DPY19L3: variants seen among roughly 807,000 people sequenced by gnomAD.
The protein encoded by DPY19L3 is protein C-mannosyl-transferase DPY19L3.
DPY19L3 carries 51 observed loss-of-function variants against 92.3 expected under a neutral mutation model. The ratio of observed to expected loss-of-function variants is 0.55; its 90% CI spans 0.44 to 0.70. The LOEUF is 0.70. Ranked by LOEUF, DPY19L3 falls within the 30% of genes least tolerant of loss-of-function variation. The pLI, the probability that DPY19L3 is intolerant of heterozygous loss-of-function variation, is 0.00. For synonymous variants in DPY19L3, 309 were observed against 315.2 expected, an observed-to-expected ratio of 0.98 and a Z score of 0.21; for missense variants, 706 against 855.9, an observed-to-expected ratio of 0.82 and a Z score of 2.18.
At chr19:32,476,033 TAGAA>T (rs1970498799) in intron 16 of DPY19L3, among the ~76,000 whole-genome samples, 1 of 152,192 alleles carries the variant, frequency 6.6e-6, no homozygotes, top group Non-Finnish European at 1.5e-5. Context: ...GTGTCATTGT[TAGAA>T]AGAAAATCTT....
chr19:32,462,871 G>C (rs1007064565), intron 12 of DPY19L3, among the ~76,000 whole-genome samples: 15 of 152,132 alleles, frequency 9.9e-5, no homozygotes, highest in Non-Finnish European at 1.9e-4. Context: ...TTTTAATGTA[G>C]CCGTATTTGG....
At chr19:32,436,826 C>T (rs1173512690) in intron 5 of DPY19L3, among the ~76,000 whole-genome samples, 1 of 152,100 alleles carries the variant, frequency 6.6e-6, no homozygotes, top group Non-Finnish European at 1.5e-5. Context: ...TTTTCATTTG[C>T]TCTCTGTAAT....
intron 3 of DPY19L3, among the ~76,000 whole-genome samples, chr19:32,418,761 T>C (rs1197267935): frequency 2.0e-5 from 3 of 152,232 alleles, no homozygotes; most frequent in Non-Finnish European, 4.4e-5. Flanking sequence ...GAAAATACTT[T>C]GATTTTATTT....
intron 14 of DPY19L3, among the ~76,000 whole-genome samples, 175 bp downstream of exon 14, chr19:32,464,155 T>TA (rs1231249299): frequency 6.6e-6 from 1 of 152,058 alleles, no homozygotes; most frequent in African/African-American, 2.4e-5. Context: ...AATTTTATTT[T>TA]AAAAAATTAC....
At chr19:32,466,494 G>A (rs1970205588) in intron 15 of DPY19L3, among the ~76,000 whole-genome samples, 1 of 152,204 alleles carries the variant, frequency 6.6e-6, no homozygotes, top group South Asian at 2.1e-4. Flanking sequence ...AGGCTGCTCT[G>A]CGGCAGCTTC....
At chr19:32,407,634 C>G (rs1323191182) in intron 1 of DPY19L3, among the ~76,000 whole-genome samples, 1 of 152,166 alleles carries the variant, frequency 6.6e-6, no homozygotes, top group Non-Finnish European at 1.5e-5. Context: ...CCAAGATGTT[C>G]TGGAAGAAAA....
intron 3 of DPY19L3, among the ~76,000 whole-genome samples, chr19:32,419,151 A>G (rs1401576771): frequency 1.4e-5 from 2 of 147,706 alleles, no homozygotes; most frequent in Non-Finnish European, 3.0e-5. Flanking sequence ...TACATATTGT[A>G]TTTATTTGTA....
At chr19:32,429,014 A>AT (rs1365858108) in intron 3 of DPY19L3, among the ~76,000 whole-genome samples, 1 of 151,582 alleles carries the variant, frequency 6.6e-6, no homozygotes, top group Non-Finnish European at 1.5e-5. Flanking sequence ...CGCTTGGCTA[A>AT]TTTTTTGTAT....
chr19:32,412,131 C>CAAGCGA (rs1968205327), intron 3 of DPY19L3: 1 of 152,186 alleles, frequency 6.6e-6, no homozygotes, highest in Non-Finnish European at 1.5e-5. Context: ...CTGCCCTGGT[C>CAAGCGA]TTCCAAAATA....
At chr19:32,436,000 A>G (rs1486888818) in intron 4 of DPY19L3, among the ~76,000 whole-genome samples, 9 of 152,268 alleles carry the variant, frequency 5.9e-5, no homozygotes, top group Non-Finnish European at 1.0e-4. Context: ...CTTGTCTTCT[A>G]AAGCCTCTGC....
At chr19:32,441,874 G>A (rs1485207520) in intron 8 of DPY19L3, among the ~76,000 whole-genome samples, 1 of 152,134 alleles carries the variant, frequency 6.6e-6, no homozygotes, top group Non-Finnish European at 1.5e-5. Context: ...AAATAATATA[G>A]CTAATTGATT....
chr19:32,410,954 G>T (rs563028601), intron 2 of DPY19L3, among the ~76,000 whole-genome samples: 1 of 152,064 alleles, frequency 6.6e-6, no homozygotes, highest in African/African-American at 2.4e-5. Flanking sequence ...AAACTGTGCC[G>T]GACAGAGGCC....
chr19:32,429,658 CT>C (rs1968892753), intron 3 of DPY19L3, among the ~76,000 whole-genome samples: 2 of 152,200 alleles, frequency 1.3e-5, no homozygotes, highest in Non-Finnish European at 2.9e-5. Context: ...ATAATTCACT[CT>C]TTCATTCTTT....
At chr19:32,428,224 G>A (rs553012439) in intron 3 of DPY19L3, among the ~76,000 whole-genome samples, 7 of 152,018 alleles carry the variant, frequency 4.6e-5, no homozygotes, top group African/African-American at 1.5e-4. Flanking sequence ...TGCCCACCTC[G>A]GCTTCCCAAA....
chr19:32,477,779 C>G, intron 17 of DPY19L3, 125 bp downstream of exon 17: 1 of 1,311,238 alleles, frequency 7.6e-7, no homozygotes. Flanking sequence ...ATGAATTAGT[C>G]TGTTTTCACG....
intron 3 of DPY19L3, among the ~76,000 whole-genome samples, chr19:32,413,801 G>GC (rs1434985004): frequency 6.6e-6 from 1 of 151,960 alleles, no homozygotes; most frequent in Non-Finnish European, 1.5e-5. Context: ...GCTCGCTGCA[G>GC]CCCCCAAACT....
rs1465415760 is a variant in DPY19L3, at chr19:32,485,492, TCA to T, written c.*3255_*3256del. The T allele has an allele frequency of 6.6e-6, 1 of 152,192 alleles. No homozygotes were observed. The highest frequency in any genetic ancestry group is 1.5e-5 in the Non-Finnish European group (1 of 68,042). 9.4% of individuals were successfully genotyped at this position (152,192 alleles called of 1,614,324 possible). A position where few individuals can be genotyped will look rare whatever the true frequency, so the allele number is the denominator to read the frequency against. On this transcript the variant is annotated 3_prime_UTR_variant, in exon 19 of 19. Transcript: ENST00000392250. Reference sequence around the variant, plus strand: ...AATACATCTGATCTGCATCTTTATTTCACAGTTAACTAAAAGTAAAAATGTCT... The same window carrying T: ...AATACATCTGATCTGCATCTTTATTTCAGTTAACTAAAAGTAAAAATGTCT...
chr19:32,457,327 G>GT (rs1969897451), intron 10 of DPY19L3, among the ~76,000 whole-genome samples: 1 of 152,118 alleles, frequency 6.6e-6, no homozygotes, highest in South Asian at 2.1e-4. Flanking sequence ...CCGAGCAACT[G>GT]TTTTGTTTTA....
intron 3 of DPY19L3, among the ~76,000 whole-genome samples, chr19:32,418,711 A>G (rs1275925094): frequency 6.6e-6 from 1 of 152,196 alleles, no homozygotes; most frequent in Non-Finnish European, 1.5e-5. Context: ...TTTTGGGGTT[A>G]TAACTTTTTC....
Sources: allele counts gnomAD v4.1 joint callset (sites outside exome capture counted in the v4.1 genomes callset), GRCh38; gene constraint gnomAD v4.1.1; transcripts MANE v1.5; gene names NCBI Gene and HGNC (gene_info 2026-07-23, HGNC 2026-07-21).